The following TCF4 variants were observed in gnomAD, a reference collection of about 807,000 sequenced individuals.
The protein encoded by TCF4 is transcription factor 4, also known as SL3-3 enhancer factor 2.
TCF4 carries 3 observed loss-of-function variants against 82.1 expected under a neutral mutation model. That is an observed-to-expected ratio of 0.04 (90% confidence interval 0.02 to 0.09). TCF4 has a LOEUF of 0.09. Ranked by LOEUF, TCF4 falls within the 10% of genes least tolerant of loss-of-function variation. TCF4 has a pLI of 1.00. For missense variants in TCF4, 518 were observed against 852.7 expected (o/e 0.61, Z 4.89); for synonymous variants, 276 against 309.6 (o/e 0.89, Z 1.14).
intron 3 of TCF4, among the ~76,000 whole-genome samples, chr18:55,494,124 A>T (rs970944590): frequency 3.4e-5 from 5 of 148,592 alleles, no homozygotes; most frequent in African/African-American, 9.8e-5. Context: ...TACTTCTCTG[A>T]CCAAAACACA....
chr18:55,277,118 G>A (rs760252409), intron 9 of TCF4, among the ~76,000 whole-genome samples: 3 of 152,260 alleles, frequency 2.0e-5, no homozygotes, highest in Admixed American at 6.5e-5. Flanking sequence ...TTCAAGTCTT[G>A]AATTCTCAGG....
At chr18:55,407,523 G>A (rs1014462650) in intron 5 of TCF4, among the ~76,000 whole-genome samples, 1 of 151,848 alleles carries the variant, frequency 6.6e-6, no homozygotes, top group Non-Finnish European at 1.5e-5. Context: ...GAACCCGTCC[G>A]CTGCTAAAGC....
At chr18:55,350,078 T>C (rs867212657) in intron 8 of TCF4, among the ~76,000 whole-genome samples, 4 of 152,308 alleles carry the variant, frequency 2.6e-5, no homozygotes, top group Middle Eastern at 3.4e-3. Flanking sequence ...TTGCAAGCCC[T>C]GTACAGGTAA....
intron 8 of TCF4, among the ~76,000 whole-genome samples, chr18:55,303,639 C>A (rs2069143515): frequency 6.6e-6 from 1 of 151,660 alleles, no homozygotes; most frequent in Admixed American, 6.6e-5. Flanking sequence ...GAAGTAAGGA[C>A]AACAGTGCAA....
chr18:55,293,703 T>A (rs1032553649), intron 8 of TCF4, among the ~76,000 whole-genome samples: 1 of 152,170 alleles, frequency 6.6e-6, no homozygotes, highest in African/African-American at 2.4e-5. Context: ...GTAGAGCATG[T>A]CCAGTGCCTG....
At chr18:55,421,014 G>T (rs1462194273) in intron 5 of TCF4, among the ~76,000 whole-genome samples, 1 of 151,736 alleles carries the variant, frequency 6.6e-6, no homozygotes, top group African/African-American at 2.4e-5. Flanking sequence ...TATCGTTTCA[G>T]ATTGCTTACA....
chr18:55,497,512 G>A (rs1482373261), intron 3 of TCF4, among the ~76,000 whole-genome samples: 1 of 152,152 alleles, frequency 6.6e-6, no homozygotes, highest in Non-Finnish European at 1.5e-5. Context: ...TACAATATTT[G>A]TCTTCAATAA....
intron 3 of TCF4, among the ~76,000 whole-genome samples, chr18:55,539,832 A>T (rs1298343801): frequency 2.0e-5 from 3 of 152,192 alleles, no homozygotes; most frequent in Admixed American, 1.3e-4. Flanking sequence ...ACAGAGCTTG[A>T]ATTATACAAT....
chr18:55,229,185 C>T (rs1318641606), intron 17 of TCF4, 109 bp from the exon 18 acceptor site: 1 of 1,311,804 alleles, frequency 7.6e-7, no homozygotes, highest in Non-Finnish European at 1.1e-6. Flanking sequence ...CATCTTATGC[C>T]ATGTTTTTGG....
Position 55,588,028 on chromosome 18 carries a change from C to G in TCF4, c.-21+10G>C, listed in dbSNP as rs886053960. The G allele has an allele frequency of 2.0e-6, 2 of 982,008 alleles. No homozygotes were observed. Among genetic ancestry groups the G allele is most frequent in the Non-Finnish European group, 2.4e-6 (2 of 828,582 alleles). 60.8% of individuals were successfully genotyped at this position (982,008 alleles called of 1,614,324 possible). Reference sequence around the variant, plus strand: ...CCGCCCCGCCGAGCCCCGCAGGCGCCGGTACCTACCGCCCGCGCGCGAGAA... The same window carrying G: ...CCGCCCCGCCGAGCCCCGCAGGCGCGGGTACCTACCGCCCGCGCGCGAGAA... On this transcript the variant is annotated intron_variant, in intron 1 of 19. Transcript: ENST00000354452.
chr18:55,519,784 T>A (rs950814096), intron 3 of TCF4, among the ~76,000 whole-genome samples: 2 of 152,186 alleles, frequency 1.3e-5, no homozygotes, highest in African/African-American at 4.8e-5. Flanking sequence ...TTCATTGATG[T>A]CATGAATAAA....
intron 15 of TCF4, among the ~76,000 whole-genome samples, chr18:55,236,931 A>T (rs559812380): frequency 1.4e-4 from 22 of 152,028 alleles, no homozygotes; most frequent in African/African-American, 5.3e-4. Flanking sequence ...TTTCAGAATC[A>T]TTAACACTCT....
chr18:55,459,187 G>A (rs2095826685), intron 5 of TCF4, among the ~76,000 whole-genome samples: 1 of 152,108 alleles, frequency 6.6e-6, no homozygotes, highest in Non-Finnish European at 1.5e-5. Flanking sequence ...AAGCTGACAT[G>A]GATTTGCAGC....
At chr18:55,388,402 T>C (rs1057143905) in intron 6 of TCF4, among the ~76,000 whole-genome samples, 5 of 152,230 alleles carry the variant, frequency 3.3e-5, no homozygotes, top group African/African-American at 7.2e-5. Flanking sequence ...ATAGATAGCA[T>C]GGGCGGTACG....
chr18:55,439,975 C>T (rs933307869), intron 5 of TCF4, among the ~76,000 whole-genome samples: 8 of 152,166 alleles, frequency 5.3e-5, no homozygotes, highest in Admixed American at 1.3e-4. Context: ...CTGCCCTCCT[C>T]GGCCTCCCAA....
intron 3 of TCF4, among the ~76,000 whole-genome samples, chr18:55,583,175 C>G (rs1436304066): frequency 1.3e-5 from 2 of 152,104 alleles, no homozygotes; most frequent in Non-Finnish European, 2.9e-5. Flanking sequence ...CACTTTTTAC[C>G]CTTACAAGTA....
intron 2 of TCF4, among the ~76,000 whole-genome samples, chr18:55,623,587 T>C (rs1405809520): frequency 6.6e-6 from 1 of 152,224 alleles, no homozygotes; most frequent in Non-Finnish European, 1.5e-5. Context: ...GTCTGGTTTT[T>C]AGAATAATTA....
chr18:55,347,759 A>G (rs2081498691), intron 8 of TCF4, among the ~76,000 whole-genome samples: 1 of 152,164 alleles, frequency 6.6e-6, no homozygotes, highest in Non-Finnish European at 1.5e-5. Flanking sequence ...ATTATAAGGG[A>G]AAGAGAGGGC....
At chr18:55,372,420 G>C (rs575324488) in intron 6 of TCF4, among the ~76,000 whole-genome samples, 7 of 151,848 alleles carry the variant, frequency 4.6e-5, no homozygotes, top group Non-Finnish European at 7.4e-5. Context: ...TGCAATAATC[G>C]GGTGATTAAT....
Sources: allele counts gnomAD v4.1 joint callset (sites outside exome capture counted in the v4.1 genomes callset), GRCh38; gene constraint gnomAD v4.1.1; transcripts MANE v1.5; gene names NCBI Gene and HGNC (gene_info 2026-07-23, HGNC 2026-07-21).